EPHB1: variants seen among roughly 807,000 people sequenced by gnomAD.
The protein encoded by EPHB1 is ephrin type-B receptor 1.
EPHB1 carries 30 observed loss-of-function variants against 94.4 expected under a neutral mutation model. That is an observed-to-expected ratio of 0.32 (90% CI 0.24 to 0.43). The LOEUF (loss-of-function observed/expected upper bound fraction) is 0.43. Among genes scored for constraint, EPHB1 ranks in the 20% least tolerant of loss-of-function variants. The pLI, the probability that EPHB1 is intolerant of heterozygous loss-of-function variation, is 1.00. For synonymous variants in EPHB1, 522 were observed against 489.1 expected, an observed-to-expected ratio of 1.07 and a Z score of -0.89; for missense variants, 1,055 against 1,308.3, an observed-to-expected ratio of 0.81 and a Z score of 2.99.
Position 134,901,072 on chromosome 3 carries a change from T to G in EPHB1, c.59-24744T>G, listed in dbSNP as rs145601503. ...GAACTTCTTTTTAAAAAAAAAACTT[T>G]TTAAATCTTATTATAATTTTATTGA... is the stretch of plus-strand genomic sequence containing the variant. On this transcript the variant is annotated intron_variant, in intron 1 of 15. Transcript: ENST00000398015. Among the ~76,000 whole-genome samples, 1,283 of 152,344 alleles carry G rather than the reference T, an allele frequency of 8.4e-3. 21 individuals are homozygous for G. The highest frequency in any genetic ancestry group is 0.026 in the African/African-American group (1,080 of 41,572).
intron 3 of EPHB1, among the ~76,000 whole-genome samples, chr3:135,070,215 C>T (rs564167262): frequency 5.9e-5 from 9 of 152,198 alleles, no homozygotes; most frequent in Admixed American, 3.9e-4. Flanking sequence ...TAGAGCTTCA[C>T]GCTCTGTTGC....
At chr3:135,016,147 G>A (rs1450997122) in intron 3 of EPHB1, among the ~76,000 whole-genome samples, 1 of 152,224 alleles carries the variant, frequency 6.6e-6, no homozygotes, top group Non-Finnish European at 1.5e-5. Context: ...CCTTCATTCT[G>A]AAGTGATCAG....
intron 3 of EPHB1, among the ~76,000 whole-genome samples, chr3:134,983,308 G>A (rs1934478882): frequency 6.6e-6 from 1 of 152,254 alleles, no homozygotes; most frequent in South Asian, 2.1e-4. Flanking sequence ...TGGAGATAAT[G>A]TGTAAGTGCT....
chr3:135,247,302 C>CTAT (rs1199008376), intron 13 of EPHB1, among the ~76,000 whole-genome samples: 4 of 152,146 alleles, frequency 2.6e-5, no homozygotes, highest in Non-Finnish European at 4.4e-5. Context: ...CAAGATTATA[C>CTAT]TATTTCTGAA....
At chr3:135,198,724 G>A (rs577969098) in intron 11 of EPHB1, among the ~76,000 whole-genome samples, 1 of 152,262 alleles carries the variant, frequency 6.6e-6, no homozygotes, top group South Asian at 2.1e-4. Flanking sequence ...ATGTTAGCAG[G>A]GATCATTGCT....
At chr3:134,971,152 T>C (rs932945430) in intron 3 of EPHB1, among the ~76,000 whole-genome samples, 26 of 152,170 alleles carry the variant, frequency 1.7e-4, no homozygotes, top group African/African-American at 6.0e-4. Context: ...ACTCCAACAA[T>C]GAGGCTTAAC....
intron 6 of EPHB1, among the ~76,000 whole-genome samples, chr3:135,159,047 G>A (rs142278522): frequency 4.6e-5 from 7 of 152,260 alleles, no homozygotes; most frequent in African/African-American, 9.6e-5. Flanking sequence ...GTTGTTGAGC[G>A]CCCAGGTGGT....
chr3:134,887,396 C>T (rs1560282560), intron 1 of EPHB1, among the ~76,000 whole-genome samples: 1 of 152,202 alleles, frequency 6.6e-6, no homozygotes. Context: ...GTCACAAGGA[C>T]AGCCTGGCTT....
In EPHB1 at chr3:135,110,640, T is replaced by C. The variant is rs902305383; in HGVS notation, c.961+4037T>C. Among the ~76,000 whole-genome samples the C allele has an allele frequency of 3.3e-5, 5 of 152,248 alleles. No homozygotes were observed. In the East Asian group the frequency reaches 5.8e-4, roughly 18 times the overall value. The stretch of plus-strand genomic sequence containing the variant: ...GCTCCAGGATGAAAACTCAGGTCTG[T>C]CTGACTCTAATTCCATGACCTCAGT... On this transcript the variant is annotated intron_variant, in intron 4 of 15. Transcript: ENST00000398015.
At chr3:134,874,726 A>G (rs1261279664) in intron 1 of EPHB1, among the ~76,000 whole-genome samples, 1 of 152,170 alleles carries the variant, frequency 6.6e-6, no homozygotes, top group Non-Finnish European at 1.5e-5. Context: ...TCTCACCAGA[A>G]AGCACAGAGA....
intron 3 of EPHB1, among the ~76,000 whole-genome samples, chr3:134,969,067 A>G (rs1347741275): frequency 1.3e-5 from 2 of 152,176 alleles, no homozygotes; most frequent in Non-Finnish European, 2.9e-5. Flanking sequence ...TCATATGGAA[A>G]TTGTATGTTT....
chr3:135,208,495 A>G (rs530101618), intron 12 of EPHB1, among the ~76,000 whole-genome samples: 17 of 152,158 alleles, frequency 1.1e-4, no homozygotes, highest in Admixed American at 1.1e-3. Flanking sequence ...TTCTTTCACC[A>G]AAAAGCCATT....
chr3:134,893,148 T>TCCCAGGGGGTGTAGAC (rs2038019980), intron 1 of EPHB1, among the ~76,000 whole-genome samples: 1 of 152,202 alleles, frequency 6.6e-6, no homozygotes, highest in African/African-American at 2.4e-5. Flanking sequence ...TGGGTGCTGA[T>TCCCAGGGGGTGTAGAC]GGTCCCAGGG....
chr3:135,026,155 T>G (rs1398569589), intron 3 of EPHB1, among the ~76,000 whole-genome samples: 3 of 139,304 alleles, frequency 2.2e-5, no homozygotes, highest in African/African-American at 7.9e-5. Flanking sequence ...TTCTCCCATT[T>G]TGTAGGTTGC....
intron 10 of EPHB1, among the ~76,000 whole-genome samples, chr3:135,185,118 A>G (rs1559866334): frequency 6.6e-6 from 1 of 151,154 alleles, no homozygotes. Context: ...TGACTCTAGC[A>G]GCTAGTGATT....
chr3:134,909,874 G>T (rs967942928), intron 1 of EPHB1, among the ~76,000 whole-genome samples: 1 of 152,166 alleles, frequency 6.6e-6, no homozygotes, highest in African/African-American at 2.4e-5. Context: ...AGTGTTAGGA[G>T]ACCAGGATCA....
chr3:134,846,489 T>C (rs1224392938), intron 1 of EPHB1, among the ~76,000 whole-genome samples: 1 of 152,204 alleles, frequency 6.6e-6, no homozygotes, highest in African/African-American at 2.4e-5. Flanking sequence ...TTGCTTGCCC[T>C]GGGAATTTTA....
chr3:134,984,056 G>T (rs1200128887), intron 3 of EPHB1, among the ~76,000 whole-genome samples: 2 of 152,100 alleles, frequency 1.3e-5, no homozygotes, highest in South Asian at 2.1e-4. Flanking sequence ...GTAACTCTTG[G>T]GTGGTCATAG....
At chr3:134,963,610 T>C (rs566382946) in intron 3 of EPHB1, among the ~76,000 whole-genome samples, 1 of 152,292 alleles carries the variant, frequency 6.6e-6, no homozygotes, top group East Asian at 1.9e-4. Flanking sequence ...ATGAGGTACA[T>C]GTGATTATTA....
Sources: gnomAD v4.1 joint callset for allele counts (sites outside exome capture counted in the v4.1 genomes callset) on GRCh38, gnomAD v4.1.1 for gene constraint, MANE v1.5 for transcripts, NCBI Gene and HGNC (gene_info 2026-07-23, HGNC 2026-07-21) for gene names.